Variants in CHRD observed in about 807,000 individuals in gnomAD.
CHRD encodes chordin.
A neutral mutation model predicts 113.7 loss-of-function variants in CHRD; 69 were observed. The ratio of observed to expected loss-of-function variants is 0.61; its 90% CI spans 0.50 to 0.74. The LOEUF is 0.74. CHRD is among the 30% of genes least tolerant of loss of function. CHRD has a pLI of 0.00. For synonymous variants in CHRD, 561 were observed against 540.8 expected (o/e 1.04, Z -0.52); for missense variants, 1,194 against 1,295.8 (o/e 0.92, Z 1.21).
chr3:184,388,644 G>T lies in CHRD; in HGVS notation c.2612G>T (p.Gly871Val), dbSNP rs780450294. 6.2e-7 allele frequency: 1 copy of T among 1,613,630 alleles called. No individual in the cohort carries two copies. The highest frequency in any genetic ancestry group is 1.1e-5 in the South Asian group (1 of 91,086). The change falls in exon 21 of 23, where the codon GGC becomes GTC. Residue 871 changes from glycine to valine, a missense_variant. Physicochemically the swap from Gly to Val is moderately radical, Grantham distance 109. Coordinates refer to ENST00000204604, the Ensembl canonical transcript of CHRD. The surrounding 1 kb of genome is among the most constrained non-coding windows in gnomAD (Gnocchi z 6.1). The stretch of plus-strand genomic sequence containing the variant: ...CCCATGCAGGCTGATGGGCCCCGGG[G>T]CTGCCGTTTTGCTGGGCAGTGGTTC...
At position 184,381,016 on chromosome 3, in the gene CHRD, C is replaced by G. The variant is rs1413889133; in HGVS notation, c.253-219C>G. On this transcript the variant is annotated intron_variant, in intron 2 of 22. Coordinates refer to ENST00000204604, the Ensembl canonical transcript of CHRD. The surrounding 1 kb of genome is among the most constrained non-coding windows in gnomAD (Gnocchi z 4.7). Reference sequence around the variant, plus strand: ...TGTGCCAACTCCGTTTCGTTCCCTGCTCATCTAACTCTCATGGCAGCCTTG... The same window carrying G: ...TGTGCCAACTCCGTTTCGTTCCCTGGTCATCTAACTCTCATGGCAGCCTTG... 1.4e-6 allele frequency: 1 copy of G among 739,664 alleles called. No homozygotes were observed. Among genetic ancestry groups the G allele is most frequent in the Non-Finnish European group, 2.4e-6 (1 of 419,398 alleles). 45.8% of individuals were successfully genotyped at this position (739,664 alleles called of 1,614,324 possible).
Position 184,384,896 on chromosome 3 carries a change from C to T in CHRD, c.1598-122C>T. On this transcript the variant is annotated intron_variant, in intron 13 of 22. Transcript: ENST00000204604. The surrounding 1 kb of genome is among the most constrained non-coding windows in gnomAD (Gnocchi z 4.4). ...TCTAAAACTTGCTGCTCTCCAGGCC[C>T]TGGACCTATGGACAGTGTCTTCCAG... 2 of 1,258,828 alleles carry T rather than the reference C, an allele frequency of 1.6e-6. No homozygotes were observed. The highest frequency in any genetic ancestry group is 2.2e-6 in the Non-Finnish European group (2 of 891,050). The allele number at this position is 1,258,828 out of a possible 1,614,324, so 78.0% of individuals were successfully genotyped here.
At chr3:184,386,081 G>A (rs370197611) in exon 15 of CHRD, 19 of 1,614,108 alleles carry the variant, frequency 1.2e-5, no homozygotes, top group Admixed American at 3.3e-5. Context: ...AGCCGGAACT[G>A]CTGCGGCACC....
rs1410210437 is a variant in CHRD, at chr3:184,380,341, C to T, written c.23C>T (p.Pro8Leu). The T allele has an allele frequency of 1.5e-6, 2 of 1,355,106 alleles. No individual in the cohort carries two copies. The highest frequency in any genetic ancestry group is 2.7e-5 in the Admixed American group (1 of 37,580). 83.9% of individuals were successfully genotyped at this position (1,355,106 alleles called of 1,614,324 possible). A position where few individuals can be genotyped will look rare whatever the true frequency, so the allele number is the denominator to read the frequency against. Residue 8 changes from proline to leucine, a missense_variant, in exon 1 of 23, where the codon CCG (proline) becomes CTG (leucine). By Grantham distance (98) the Pro-to-Leu change is moderately conservative. Transcript: ENST00000204604. This position sits in a 1 kb window ranked among gnomAD's most constrained non-coding sequence, Gnocchi z 6.3. ...GTCATGCCGAGCCTCCCGGCCCCGCCGGCCCCGCTGCTGCTCCTCGGGCTG... is the reference window on the plus strand; with the variant it reads ...GTCATGCCGAGCCTCCCGGCCCCGCTGGCCCCGCTGCTGCTCCTCGGGCTG...
In CHRD at chr3:184,387,196, G is replaced by C. The variant is rs774935343; in HGVS notation, c.2347+89G>C. The C allele has an allele frequency of 2.2e-6, 3 of 1,365,488 alleles. No homozygotes were observed. The highest frequency in any genetic ancestry group is 3.5e-5 in the Admixed American group (2 of 56,562). 84.6% of individuals were successfully genotyped at this position (1,365,488 alleles called of 1,614,324 possible). On this transcript the variant is annotated intron_variant, in intron 18 of 22. Coordinates refer to ENST00000204604, the Ensembl canonical transcript of CHRD. This position sits in a 1 kb window ranked among gnomAD's most constrained non-coding sequence, Gnocchi z 6.1. ...GGGGACAAGAAGGGGAGAGTATATA[G>C]GGGGTGGCCTGAGGGGCACAGATTC...
intron 15 of CHRD, 162 bp from the exon 16 acceptor site, chr3:184,386,330 C>A: frequency 1.6e-6 from 2 of 1,245,132 alleles, no homozygotes; most frequent in Non-Finnish European, 2.2e-6. Context: ...GGCAGCCCGG[C>A]ACCCTATCCC....
rs1261289500 is a variant in CHRD, at chr3:184,387,772, G to C, written c.2452-159G>C. On this transcript the variant is annotated intron_variant, in intron 19 of 22. Coordinates refer to ENST00000204604, the Ensembl canonical transcript of CHRD. This position sits in a 1 kb window ranked among gnomAD's most constrained non-coding sequence, Gnocchi z 6.1. ...GATATGATGGCACCTACCTTGCAGG[G>C]TTCTGATGAGGAGCTGAGTTTAGGT... is the stretch of plus-strand genomic sequence containing the variant. Among the ~76,000 whole-genome samples, 1 of 152,144 alleles carries C rather than the reference G, an allele frequency of 6.6e-6. No homozygotes were observed.
chr3:184,388,123 C>A lies in CHRD; in HGVS notation c.2554+90C>A. 1 of 1,105,820 alleles carries A rather than the reference C, an allele frequency of 9.0e-7. No homozygotes were observed. Among genetic ancestry groups the A allele is most frequent in the Non-Finnish European group, 1.4e-6 (1 of 738,330 alleles). The allele number at this position is 1,105,820 out of a possible 1,614,324, so 68.5% of individuals were successfully genotyped here. A position where few individuals can be genotyped will look rare whatever the true frequency, so the allele number is the denominator to read the frequency against. On this transcript the variant is annotated intron_variant, in intron 20 of 22. Coordinates refer to ENST00000204604, the Ensembl canonical transcript of CHRD. The surrounding 1 kb of genome is among the most constrained non-coding windows in gnomAD (Gnocchi z 6.1). The stretch of plus-strand genomic sequence containing the variant: ...GGGGAAGGGTGCTCAGTTAATTGAG[C>A]ATTATACTGAGCACTGCTCTGTGCC...
chr3:184,380,558 G>C lies in CHRD; in HGVS notation c.148+92G>C. 1 of 1,026,902 alleles carries C rather than the reference G, an allele frequency of 9.7e-7. No individual in the cohort carries two copies. The highest frequency in any genetic ancestry group is 1.7e-5 in the African/African-American group (1 of 58,628). 63.6% of individuals were successfully genotyped at this position (1,026,902 alleles called of 1,614,324 possible). On this transcript the variant is annotated intron_variant, in intron 1 of 22. Transcript: ENST00000204604. The surrounding 1 kb of genome is among the most constrained non-coding windows in gnomAD (Gnocchi z 6.3). ...AGGGGGCGCGGGGCGCAGGTGGCTCGGCGCGGCGGGCGGCCCGGAGGGTGG... is the reference window on the plus strand; with the variant it reads ...AGGGGGCGCGGGGCGCAGGTGGCTCCGCGCGGCGGGCGGCCCGGAGGGTGG...
chr3:184,386,285 C>G, intron 15 of CHRD, 126 bp downstream of exon 15: 1 of 1,235,878 alleles, frequency 8.1e-7, no homozygotes, highest in Non-Finnish European at 1.1e-6. Flanking sequence ...AGCGCCCCCC[C>G]GGCTGGTGGG....
exon 12 of CHRD, chr3:184,383,570 G>T: frequency 6.2e-7 from 1 of 1,614,088 alleles, no homozygotes. Flanking sequence ...TGACACTGGA[G>T]ACCAAGCCTC....
chr3:184,383,775 C>CTT (rs58835715), intron 12 of CHRD, 133 bp downstream of exon 12: 19,635 of 421,080 alleles, frequency 0.047, 170 homozygotes, highest in African/African-American at 0.071. Flanking sequence ...ATTCATTTGA[C>CTT]TTTTTTTTTT....
exon 9 of CHRD, chr3:184,382,894 C>G: frequency 1.2e-6 from 2 of 1,613,866 alleles, no homozygotes; most frequent in Non-Finnish European, 1.7e-6. Context: ...GATTCTACAC[C>G]AGGGGCAGCT....
At chr3:184,382,646 C>T in exon 8 of CHRD, 2 of 1,613,192 alleles carry the variant, frequency 1.2e-6, no homozygotes, top group Non-Finnish European at 1.7e-6. Flanking sequence ...ACCTTCAGTG[C>T]CATCCTGACT....
At chr3:184,386,374 C>T in intron 15 of CHRD, 118 bp from the exon 16 acceptor site, 1 of 1,399,284 alleles carries the variant, frequency 7.1e-7, no homozygotes, top group South Asian at 1.3e-5. Context: ...CGAATGGCAT[C>T]CTCCTGGGCC....
At position 184,384,028 on chromosome 3, in the gene CHRD, G is replaced by T. The variant is rs1344989434; in HGVS notation, c.1440+386G>T. On this transcript the variant is annotated intron_variant, in intron 12 of 22. Transcript: ENST00000204604. The surrounding 1 kb of genome is among the most constrained non-coding windows in gnomAD (Gnocchi z 4.4). ...TTGACCTCATGGTCCGCCCACTTCG[G>T]CCTCCCAAAGTGCTGGGATTACAGG... Among the ~76,000 whole-genome samples the T allele has an allele frequency of 6.6e-6, 1 of 152,096 alleles. No homozygotes were observed. The highest frequency in any genetic ancestry group is 2.4e-5 in the African/African-American group (1 of 41,414).
At position 184,381,288 on chromosome 3, in the gene CHRD, C is replaced by T. The variant is rs1715343409; in HGVS notation, c.306C>T (p.Ile102=). The change falls in exon 3 of 23, where the codon ATC becomes ATT. Residue 102 remains isoleucine (I), a synonymous_variant. Coordinates refer to ENST00000204604, the Ensembl canonical transcript of CHRD. The surrounding 1 kb of genome is among the most constrained non-coding windows in gnomAD (Gnocchi z 4.7). ...CTGGCAGGGTCAGCTGCAAGAACAT[C>T]AAACCAGAGTGCCCAACCCCGGCCT... is the stretch of plus-strand genomic sequence containing the variant. 6.2e-7 allele frequency: 1 copy of T among 1,612,862 alleles called. No individual in the cohort carries two copies. The highest frequency in any genetic ancestry group is 8.5e-7 in the Non-Finnish European group (1 of 1,179,798).
exon 7 of CHRD, chr3:184,382,446 C>G: frequency 1.2e-6 from 2 of 1,614,104 alleles, no homozygotes; most frequent in Non-Finnish European, 1.7e-6. Context: ...TAGGGCAGAA[C>G]AGCTGCATGT....
chr3:184,390,727 A>G (rs560383178), downstream of CHRD: 2 of 152,134 alleles, frequency 1.3e-5, no homozygotes, highest in Non-Finnish European at 2.9e-5. Context: ...CATATAAACA[A>G]TGTGGAGTCA....
Sources: gnomAD v4.1 joint callset for allele counts (sites outside exome capture counted in the v4.1 genomes callset) on GRCh38, gnomAD v4.1.1 for gene constraint, Gnocchi (gnomAD v3.1) non-coding constraint, MANE v1.5 for transcripts, NCBI Gene and HGNC (gene_info 2026-07-23, HGNC 2026-07-21) for gene names.